Variants in TFAP2B observed in about 807,000 individuals in gnomAD.
TFAP2B encodes the protein transcription factor AP-2-beta.
A neutral mutation model predicts 44.3 loss-of-function variants in TFAP2B; 9 were observed. The ratio of observed to expected loss-of-function variants is 0.20; its 90% CI spans 0.12 to 0.35. TFAP2B has a LOEUF of 0.35. TFAP2B is among the 10% of genes least tolerant of loss of function. The pLI is 1.00. For synonymous variants in TFAP2B, 270 were observed against 263.8 expected (o/e 1.02, Z -0.23); for missense variants, 509 against 600.0 (o/e 0.85, Z 1.59).
chr6:50,821,838 T>TCTGAGACCAG, intron 1 of TFAP2B: 1 of 284,214 alleles, frequency 3.5e-6, no homozygotes, highest in Non-Finnish European at 6.9e-6. Flanking sequence ...GGCCGAGCAG[T>TCTGAGACCAG]CTGAGCCCAG....
At position 50,818,987 on chromosome 6, in the gene TFAP2B, C is replaced by G. The variant is rs542117821; in HGVS notation, c.81+15C>G. The G allele has an allele frequency of 8.1e-6, 13 of 1,609,506 alleles. No individual in the cohort carries two copies. In the Admixed American group the frequency reaches 1.8e-4, roughly 23 times the overall value. ...ATATCTATGAGGTGAGTCGACACCC[C>G]CAGATGCACCTTAGAGCTTTGCAGA... On this transcript the variant is annotated intron_variant, in intron 1 of 6. Transcript: ENST00000393655.
Position 50,836,279 on chromosome 6 carries a change from A to T in TFAP2B, c.820A>T (p.Arg274Ter). The T allele has an allele frequency of 6.2e-7, 1 of 1,611,094 alleles. No homozygotes were observed. Among genetic ancestry groups the T allele is most frequent in the Non-Finnish European group, 8.5e-7 (1 of 1,179,010 alleles). ...NASLLGGVLR[R>*]AKSKNGGRSL... Reference sequence around the variant, plus strand: ...ATCTCTCCTCGGCGGAGTCCTCAGAAGGTAACCCCACCACGAAAAACAAAA... The same window carrying T: ...ATCTCTCCTCGGCGGAGTCCTCAGATGGTAACCCCACCACGAAAAACAAAA... Residue 274 changes from arginine to a stop codon, truncating the protein, a stop_gained and splice_region_variant, in exon 4 of 7, where the codon AGA becomes TGA. Coordinates refer to ENST00000393655, the MANE Select transcript of TFAP2B (RefSeq NM_003221.4). LOFTEE classifies it high-confidence loss of function.
intron 1 of TFAP2B, 93 bp downstream of exon 1, chr6:50,819,065 T>G: frequency 7.9e-7 from 1 of 1,264,078 alleles, no homozygotes. Context: ...TTAAGCTATT[T>G]ACTCGTAGAT....
At chr6:50,840,348 A>C in intron 6 of TFAP2B, 51 bp downstream of exon 6, 1 of 1,607,620 alleles carries the variant, frequency 6.2e-7, no homozygotes, top group Non-Finnish European at 8.5e-7. Context: ...TGGCTAGGCC[A>C]CCCGACTTTG....
intron 3 of TFAP2B, among the ~76,000 whole-genome samples, chr6:50,830,093 C>T (rs1209786796): frequency 6.6e-6 from 1 of 152,118 alleles, no homozygotes; most frequent in Non-Finnish European, 1.5e-5. Context: ...TCTCTTGGGT[C>T]TCCTCTTTCG....
chr6:50,820,484 GGA>G (rs377547374), intron 1 of TFAP2B, among the ~76,000 whole-genome samples: 70 of 152,388 alleles, frequency 4.6e-4, no homozygotes, highest in Middle Eastern at 6.8e-3. Flanking sequence ...GAGAAAAGCA[GGA>G]GAGAGCGCGA....
At chr6:50,830,236 A>G in intron 3 of TFAP2B, 1 of 903,810 alleles carries the variant, frequency 1.1e-6, no homozygotes, top group Non-Finnish European at 1.3e-6. Context: ...TCCTAGCAAC[A>G]TCATTTGGGC....
chr6:50,825,061 A>G (rs1335364617), intron 2 of TFAP2B, among the ~76,000 whole-genome samples: 2 of 152,208 alleles, frequency 1.3e-5, no homozygotes, highest in Non-Finnish European at 2.9e-5. Flanking sequence ...TTAAACAGTT[A>G]AAATGTGGTG....
At chr6:50,826,099 G>A (rs1770496398) in intron 2 of TFAP2B, among the ~76,000 whole-genome samples, 2 of 152,194 alleles carry the variant, frequency 1.3e-5, no homozygotes, top group African/African-American at 4.8e-5. Flanking sequence ...AAGCTGGGGT[G>A]CGGGGGCTAA....
At chr6:50,837,928 C>A in intron 4 of TFAP2B, 47 bp from the exon 5 acceptor site, 2 of 1,469,274 alleles carry the variant, frequency 1.4e-6, no homozygotes, top group Non-Finnish European at 1.9e-6. Context: ...AACTTTGTTT[C>A]AGGAACACTC....
intron 2 of TFAP2B, among the ~76,000 whole-genome samples, chr6:50,826,590 T>C (rs1053918606): frequency 3.3e-5 from 5 of 151,034 alleles, no homozygotes; most frequent in South Asian, 2.1e-4. Context: ...CGCGCGCGTG[T>C]GTGTGTGTGT....
In TFAP2B at chr6:50,838,113, A is replaced by G. The variant is rs368435320; in HGVS notation, c.940+20A>G. 6 of 1,581,634 alleles carry G rather than the reference A, an allele frequency of 3.8e-6. No homozygotes were observed. The African/African-American group carries it at 6.7e-5, about 18-fold the overall frequency. On this transcript the variant is annotated intron_variant, in intron 5 of 6. Transcript: ENST00000393655. ...TGGAAGGTAAGCAAGACGTGTGGCC[A>G]TTTCACGAAGTGGCTGAGCTTAACT...
intron 1 of TFAP2B, among the ~76,000 whole-genome samples, chr6:50,820,817 T>C (rs989236601): frequency 6.6e-6 from 1 of 151,340 alleles, no homozygotes; most frequent in Non-Finnish European, 1.5e-5. Context: ...ACATTCGTTC[T>C]TTACAGAAAG....
Position 50,840,035 on chromosome 6 carries a change from CT to C in TFAP2B, c.941-117del, listed in dbSNP as rs1450817956. On this transcript the variant is annotated intron_variant, in intron 5 of 6. Transcript: ENST00000393655. ...TTCCTTTAGGCATCTCTCACCTTTG[CT>C]TTTGGCTCCAACAGCTGGCCTTCTC... 8 of 1,348,638 alleles carry C rather than the reference CT, an allele frequency of 5.9e-6. No individual in the cohort carries two copies. The African/African-American group carries it at 8.6e-5, about 14-fold the overall frequency. 83.5% of individuals were successfully genotyped at this position (1,348,638 alleles called of 1,614,324 possible). A position where few individuals can be genotyped will look rare whatever the true frequency, so the allele number is the denominator to read the frequency against.
rs930167232 is a variant in TFAP2B, at chr6:50,846,559, G to A, written c.*3167G>A. 1 of 152,312 alleles carries A rather than the reference G, an allele frequency of 6.6e-6. No individual in the cohort carries two copies. The highest frequency in any genetic ancestry group is 1.5e-5 in the Non-Finnish European group (1 of 68,110). The allele number at this position is 152,312 out of a possible 1,614,324, so 9.4% of individuals were successfully genotyped here. A position where few individuals can be genotyped will look rare whatever the true frequency, so the allele number is the denominator to read the frequency against. Reference sequence around the variant, plus strand: ...AATAGCGAAAGACAGGAGGAGTCAGGATGTGGCAGTGCTGCCTTCACACTT... The same window carrying A: ...AATAGCGAAAGACAGGAGGAGTCAGAATGTGGCAGTGCTGCCTTCACACTT... On this transcript the variant is annotated 3_prime_UTR_variant, in exon 7 of 7. Transcript: ENST00000393655.
intron 3 of TFAP2B, among the ~76,000 whole-genome samples, chr6:50,829,552 G>T (rs1770618120): frequency 6.6e-6 from 1 of 152,182 alleles, no homozygotes; most frequent in Non-Finnish European, 1.5e-5. Flanking sequence ...ATTATCACAG[G>T]AACTGGCATT....
intron 3 of TFAP2B, 34 bp downstream of exon 3, chr6:50,828,713 T>G (rs375994651): frequency 1.2e-6 from 2 of 1,610,638 alleles, no homozygotes; most frequent in Non-Finnish European, 1.7e-6. Context: ...GTAAGCAAAG[T>G]TCTCTCATGC....
chr6:50,822,121 C>T, intron 1 of TFAP2B: 1 of 1,301,322 alleles, frequency 7.7e-7, no homozygotes, highest in South Asian at 1.2e-5. Context: ...AGTAACCAGG[C>T]TTTTTTTTCC....
At chr6:50,824,001 G>C (rs1182093937) in intron 2 of TFAP2B, 136 bp downstream of exon 2, 4 of 968,192 alleles carry the variant, frequency 4.1e-6, no homozygotes, top group Non-Finnish European at 4.7e-6. Flanking sequence ...GGACTAGACA[G>C]TCATATAGAA....
Sources: allele counts gnomAD v4.1 joint callset (sites outside exome capture counted in the v4.1 genomes callset), GRCh38; gene constraint gnomAD v4.1.1; transcripts MANE v1.5; gene names NCBI Gene and HGNC (gene_info 2026-07-23, HGNC 2026-07-21).